BASP1: variants seen among roughly 807,000 people sequenced by gnomAD.
The protein encoded by BASP1 is brain abundant membrane attached signal protein 1.
Under a neutral mutation model 2.2 loss-of-function variants are expected in BASP1, and 1 was observed. That is an observed-to-expected ratio of 0.46 (90% CI 0.16 to 2.17). The LOEUF (loss-of-function observed/expected upper bound fraction) is 2.17. Ranked by LOEUF, BASP1 falls within the 30% of genes most tolerant of loss-of-function variation. BASP1 has a pLI of 0.27. For synonymous variants in BASP1, 187 were observed against 154.2 expected, an observed-to-expected ratio of 1.21 and a Z score of -1.58; for missense variants, 352 against 327.2, an observed-to-expected ratio of 1.08 and a Z score of -0.58.
intron 1 of BASP1, among the ~76,000 whole-genome samples, chr5:17,254,093 AAT>A (rs1419994056): frequency 6.6e-6 from 1 of 152,042 alleles, no homozygotes. Flanking sequence ...TAAGGGAAAA[AAT>A]ATATATATAT....
At position 17,236,292 on chromosome 5, in the gene BASP1, T is replaced by A. The variant is rs1315646942; in HGVS notation, c.-10+18482T>A. 6.6e-6 allele frequency among the ~76,000 whole-genome samples: 1 copy of A among 152,174 alleles called. No homozygotes were observed. The highest frequency in any genetic ancestry group is 1.5e-5 in the Non-Finnish European group (1 of 68,028). ...CTTTTCTTTTTTTTGGGATGGAGTT[T>A]CACTCTTGTTGCCCAGGCTGGAGTG... On this transcript the variant is annotated intron_variant, in intron 1 of 1. Coordinates refer to ENST00000322611, the MANE Select transcript of BASP1 (RefSeq NM_006317.5). This position sits in a 1 kb window ranked among gnomAD's most constrained non-coding sequence, Gnocchi z 4.0.
chr5:17,266,590 T>C (rs1491003802), intron 1 of BASP1, among the ~76,000 whole-genome samples: 2 of 152,022 alleles, frequency 1.3e-5, no homozygotes, highest in African/African-American at 2.4e-5. Flanking sequence ...GCGAATCACC[T>C]GAGGTCAGGA....
intron 1 of BASP1, among the ~76,000 whole-genome samples, chr5:17,250,741 A>T (rs1740085660): frequency 6.6e-6 from 1 of 152,222 alleles, no homozygotes; most frequent in African/African-American, 2.4e-5. Flanking sequence ...AGTAGCTGGG[A>T]CTACAGGTGC....
intron 1 of BASP1, among the ~76,000 whole-genome samples, chr5:17,254,269 A>G (rs1462804852): frequency 1.3e-5 from 2 of 152,212 alleles, no homozygotes; most frequent in Non-Finnish European, 2.9e-5. Context: ...ATCTGCTAAC[A>G]TAATTGTAAT....
rs1051329516 is a variant in BASP1 at position 17,275,923 on chromosome 5, C to T, written c.*23C>T. 1 of 1,520,256 alleles carries T rather than the reference C, an allele frequency of 6.6e-7. No homozygotes were observed. Among genetic ancestry groups the T allele is most frequent in the African/African-American group, 1.4e-5 (1 of 70,348 alleles). 94.2% of individuals were successfully genotyped at this position (1,520,256 alleles called of 1,614,324 possible). On this transcript the variant is annotated 3_prime_UTR_variant, in exon 2 of 2. Coordinates refer to ENST00000322611, the MANE Select transcript of BASP1 (RefSeq NM_006317.5). The surrounding 1 kb of genome is among the most constrained non-coding windows in gnomAD (Gnocchi z 5.3). ...TGACAAGGACAGCCTATAGGAAAAA[C>T]AATACCACTTAAAACAATCTCCTCT...
intron 1 of BASP1, among the ~76,000 whole-genome samples, chr5:17,269,465 G>C (rs1474536290): frequency 6.6e-6 from 1 of 152,104 alleles, no homozygotes; most frequent in Non-Finnish European, 1.5e-5. Context: ...ACCTTTTCAG[G>C]CCTCCCTCTG....
At chr5:17,266,233 T>C (rs570282467) in intron 1 of BASP1, among the ~76,000 whole-genome samples, 1 of 152,206 alleles carries the variant, frequency 6.6e-6, no homozygotes, top group Non-Finnish European at 1.5e-5. Flanking sequence ...TGGCTTCAAT[T>C]TCCATAAGTT....
intron 1 of BASP1, among the ~76,000 whole-genome samples, chr5:17,231,792 C>T (rs1180898008): frequency 2.0e-5 from 3 of 152,306 alleles, no homozygotes; most frequent in East Asian, 1.9e-4. Flanking sequence ...ATCCAGGAGG[C>T]AGGGATGTGT....
intron 1 of BASP1, among the ~76,000 whole-genome samples, chr5:17,226,739 A>G (rs1739516184): frequency 6.6e-6 from 1 of 152,294 alleles, no homozygotes. Context: ...ATTGGAGAAA[A>G]GGAAAATGTA....
chr5:17,240,914 G>A (rs866065582), intron 1 of BASP1, among the ~76,000 whole-genome samples: 17 of 152,212 alleles, frequency 1.1e-4, no homozygotes, highest in Admixed American at 7.9e-4. Context: ...TAAAACCATC[G>A]TTACAGAGAA....
At chr5:17,274,403 A>G (rs1740586742) in intron 1 of BASP1, among the ~76,000 whole-genome samples, 1 of 152,232 alleles carries the variant, frequency 6.6e-6, no homozygotes, top group Admixed American at 6.5e-5. Context: ...ACACACACAC[A>G]TATGTAGCAG....
rs944161752 is a variant in BASP1 at position 17,240,397 on chromosome 5, G to A, written c.-10+22587G>A. 2.6e-4 allele frequency among the ~76,000 whole-genome samples: 39 copies of A among 152,188 alleles called. 1 individual carries two copies. The highest frequency in any genetic ancestry group is 2.2e-3 in the Admixed American group (33 of 15,266). Reference sequence around the variant, plus strand: ...TGAAAAATACAAAAATTAGCTGGGCGTGGTGGCGGGCACCTGTGATTGCAG... The same window carrying A: ...TGAAAAATACAAAAATTAGCTGGGCATGGTGGCGGGCACCTGTGATTGCAG... On this transcript the variant is annotated intron_variant, in intron 1 of 1. Coordinates refer to ENST00000322611, the MANE Select transcript of BASP1 (RefSeq NM_006317.5).
At chr5:17,266,080 C>T (rs944743786) in intron 1 of BASP1, among the ~76,000 whole-genome samples, 40 of 152,212 alleles carry the variant, frequency 2.6e-4, no homozygotes, top group African/African-American at 8.0e-4. Flanking sequence ...GAGCAAGGGA[C>T]ACTAACCCGT....
chr5:17,226,666 C>A (rs1272960320), intron 1 of BASP1, among the ~76,000 whole-genome samples: 3 of 152,212 alleles, frequency 2.0e-5, no homozygotes. Flanking sequence ...TTAACCCTTA[C>A]TAATGTTCTC....
intron 1 of BASP1, among the ~76,000 whole-genome samples, chr5:17,218,967 A>G (rs1739330187): frequency 7.0e-6 from 1 of 141,990 alleles, no homozygotes; most frequent in African/African-American, 2.8e-5. Flanking sequence ...CACAGCACAC[A>G]TGGGTGCATT....
chr5:17,269,404 A>G (rs1000745990), intron 1 of BASP1, among the ~76,000 whole-genome samples: 6 of 152,168 alleles, frequency 3.9e-5, no homozygotes, highest in Non-Finnish European at 5.9e-5. Context: ...AGGTGTAGGC[A>G]AAAAAGGACC....
chr5:17,263,369 A>T (rs1353269398), intron 1 of BASP1, among the ~76,000 whole-genome samples: 1 of 151,522 alleles, frequency 6.6e-6, no homozygotes, highest in Admixed American at 6.6e-5. Flanking sequence ...TCCTGGGCTC[A>T]AGTGATCCTC....
Position 17,275,086 on chromosome 5 carries a change from C to T in BASP1, c.-9-122C>T. The T allele has an allele frequency of 1.3e-6, 1 of 794,416 alleles. No individual in the cohort carries two copies. Among genetic ancestry groups the T allele is most frequent in the Non-Finnish European group, 2.0e-6 (1 of 494,208 alleles). The allele number at this position is 794,416 out of a possible 1,614,324, so 49.2% of individuals were successfully genotyped here. On this transcript the variant is annotated intron_variant, in intron 1 of 1. Transcript: ENST00000322611. This position sits in a 1 kb window ranked among gnomAD's most constrained non-coding sequence, Gnocchi z 5.3. ...TGTGCCTAACTATAGTTTACCATGCCACCCCTTTGGGGTGTGCAGTGCAGC... is the reference window on the plus strand; with the variant it reads ...TGTGCCTAACTATAGTTTACCATGCTACCCCTTTGGGGTGTGCAGTGCAGC...
chr5:17,220,667 C>T (rs1324627264), intron 1 of BASP1, among the ~76,000 whole-genome samples: 1 of 152,122 alleles, frequency 6.6e-6, no homozygotes, highest in Non-Finnish European at 1.5e-5. Context: ...AACCTTATCT[C>T]CCCACATCAC....
Sources: allele counts gnomAD v4.1 joint callset (sites outside exome capture counted in the v4.1 genomes callset), GRCh38; gene constraint gnomAD v4.1.1; non-coding constraint Gnocchi (gnomAD v3.1); transcripts MANE v1.5; gene names NCBI Gene and HGNC (gene_info 2026-07-23, HGNC 2026-07-21).